Variants in MYO1D observed in about 807,000 individuals in gnomAD.
The protein encoded by MYO1D is myosin ID, also known as unconventional myosin-Id.
Under a neutral mutation model 122.0 loss-of-function variants are expected in MYO1D, and 83 were observed. The ratio of observed to expected loss-of-function variants is 0.68; its 90% CI spans 0.57 to 0.82. The LOEUF (loss-of-function observed/expected upper bound fraction) is 0.82, where lower values mean the gene tolerates loss of function less well. MYO1D is among the 40% of genes least tolerant of loss of function. The pLI is 0.00. For synonymous variants in MYO1D, 464 were observed against 446.9 expected, an observed-to-expected ratio of 1.04 and a Z score of -0.48; for missense variants, 1,157 against 1,269.5, an observed-to-expected ratio of 0.91 and a Z score of 1.35.
intron 20 of MYO1D, among the ~76,000 whole-genome samples, chr17:32,613,195 T>C (rs1225848354): frequency 6.6e-6 from 1 of 152,192 alleles, no homozygotes; most frequent in Non-Finnish European, 1.5e-5. Context: ...ACTCTTCTAG[T>C]TCTTACTAGG....
chr17:32,675,814 T>C (rs1265077528), intron 16 of MYO1D, among the ~76,000 whole-genome samples: 1 of 152,126 alleles, frequency 6.6e-6, no homozygotes, highest in Non-Finnish European at 1.5e-5. Flanking sequence ...ACAGAGGTTG[T>C]TTTTAAAAAA....
In MYO1D at chr17:32,546,357, CTCTG is replaced by C. The variant is rs1281569527; in HGVS notation, c.2865-51446_2865-51443del. On this transcript the variant is annotated intron_variant, in intron 21 of 21. Transcript: ENST00000318217. ...ATGGAAACCATCCCTCTGCGAGGAG[CTCTG>C]TCTGTCTTTGTCGAGGAGCACTCCA... Among the ~76,000 whole-genome samples, 8 of 152,226 alleles carry C rather than the reference CTCTG, an allele frequency of 5.3e-5. No individual in the cohort carries two copies. In the East Asian group the frequency reaches 7.7e-4, roughly 15 times the overall value.
intron 21 of MYO1D, among the ~76,000 whole-genome samples, chr17:32,500,617 G>T (rs1410341079): frequency 6.6e-6 from 1 of 152,146 alleles, no homozygotes; most frequent in Admixed American, 6.5e-5. Context: ...AACAACAAGG[G>T]CAAGAAGAAC....
chr17:32,592,747 T>C (rs2087449520), intron 21 of MYO1D, among the ~76,000 whole-genome samples: 1 of 151,670 alleles, frequency 6.6e-6, no homozygotes, highest in African/African-American at 2.4e-5. Flanking sequence ...AGTACAACAA[T>C]GTAGGGGCAA....
intron 2 of MYO1D, among the ~76,000 whole-genome samples, chr17:32,779,724 C>T (rs1434297551): frequency 2.6e-5 from 4 of 152,098 alleles, no homozygotes; most frequent in South Asian, 2.1e-4. Context: ...TTAAATAAAA[C>T]ATAGTCCTAG....
chr17:32,661,256 AC>A (rs1199401653), intron 16 of MYO1D, among the ~76,000 whole-genome samples: 15 of 152,220 alleles, frequency 9.9e-5, no homozygotes, highest in Non-Finnish European at 2.2e-4. Context: ...ATATAAAAAA[AC>A]ACACTAGCCC....
At chr17:32,540,770 A>G (rs974228024) in intron 21 of MYO1D, among the ~76,000 whole-genome samples, 4 of 151,962 alleles carry the variant, frequency 2.6e-5, no homozygotes, top group African/African-American at 7.3e-5. Flanking sequence ...TACTAAAAAT[A>G]CAAAAATTAA....
Position 32,739,531 on chromosome 17 carries a change from T to C in MYO1D, c.1614-1146A>G, listed in dbSNP as rs189616177. Among the ~76,000 whole-genome samples, 347 of 149,708 alleles carry C rather than the reference T, an allele frequency of 2.3e-3. 4 individuals are homozygous for C. Among genetic ancestry groups the C allele is most frequent in the African/African-American group, 7.0e-3 (286 of 40,980 alleles). On this transcript the variant is annotated intron_variant, in intron 13 of 21. Coordinates refer to ENST00000318217, the MANE Select transcript of MYO1D (RefSeq NM_015194.3). ...GGGGGAGAGATAGCATTAGGAGATATACCTAATGTAAATGACGAGTTAATG... is the reference window on the plus strand; with the variant it reads ...GGGGGAGAGATAGCATTAGGAGATACACCTAATGTAAATGACGAGTTAATG...
chr17:32,750,686 GA>G (rs1195867278), intron 11 of MYO1D, among the ~76,000 whole-genome samples: 2 of 152,076 alleles, frequency 1.3e-5, no homozygotes, highest in African/African-American at 2.4e-5. Flanking sequence ...TCTAATGTTC[GA>G]TAACAAATAA....
At chr17:32,553,098 CA>C (rs1174728053) in intron 21 of MYO1D, among the ~76,000 whole-genome samples, 2 of 110,138 alleles carry the variant, frequency 1.8e-5, no homozygotes, top group African/African-American at 9.1e-5. Context: ...AAACAAAAAA[CA>C]AAACAAAAAA....
intron 1 of MYO1D, among the ~76,000 whole-genome samples, chr17:32,862,052 T>G (rs2091081892): frequency 6.6e-6 from 1 of 151,990 alleles, no homozygotes; most frequent in South Asian, 2.1e-4. Flanking sequence ...TATGTCTCTG[T>G]CTTCTCTCTC....
chr17:32,576,174 A>G (rs1189294740), intron 21 of MYO1D, among the ~76,000 whole-genome samples: 5 of 152,178 alleles, frequency 3.3e-5, no homozygotes, highest in African/African-American at 1.2e-4. Context: ...ACTATCCCAA[A>G]GAACTTTGGA....
At chr17:32,495,003 C>A in intron 21 of MYO1D, 88 bp from the exon 22 acceptor site, 1 of 1,412,424 alleles carries the variant, frequency 7.1e-7, no homozygotes, top group East Asian at 2.6e-5. Context: ...ACCATTGGCT[C>A]CGGCGCAGCC....
At chr17:32,506,692 T>C (rs191275532) in intron 21 of MYO1D, among the ~76,000 whole-genome samples, 2 of 152,364 alleles carry the variant, frequency 1.3e-5, no homozygotes, top group East Asian at 3.9e-4. Context: ...TCAGATTTAA[T>C]TTAAAAATGC....
intron 16 of MYO1D, among the ~76,000 whole-genome samples, chr17:32,709,104 C>T (rs2089343391): frequency 6.6e-6 from 1 of 152,176 alleles, no homozygotes; most frequent in South Asian, 2.1e-4. Flanking sequence ...AGTAAACAAA[C>T]TATCGCTGTA....
chr17:32,833,602 GTCTT>G (rs1439245985), intron 1 of MYO1D, among the ~76,000 whole-genome samples: 3 of 152,186 alleles, frequency 2.0e-5, no homozygotes, highest in Non-Finnish European at 4.4e-5. Flanking sequence ...AAAATGTCAA[GTCTT>G]TCTATCAGCC....
At chr17:32,612,499 C>G (rs2087713713) in intron 20 of MYO1D, among the ~76,000 whole-genome samples, 1 of 151,360 alleles carries the variant, frequency 6.6e-6, no homozygotes, top group South Asian at 2.1e-4. Flanking sequence ...CCAGCCTGGG[C>G]AACATAGCAA....
chr17:32,553,379 T>C (rs1372093674), intron 21 of MYO1D, among the ~76,000 whole-genome samples: 1 of 152,186 alleles, frequency 6.6e-6, no homozygotes, highest in Non-Finnish European at 1.5e-5. Context: ...TTTGAAGTGG[T>C]TCCTGAAAGA....
At position 32,596,109 on chromosome 17, in the gene MYO1D, C is replaced by T. The variant is rs182970745; in HGVS notation, c.2864+8978G>A. On this transcript the variant is annotated intron_variant, in intron 21 of 21. Coordinates refer to ENST00000318217, the MANE Select transcript of MYO1D (RefSeq NM_015194.3). ...TTTTCTGTCCCCCATAAGTCAGGTG[C>T]CTTCAATAATTATTTTAAATAGCTC... Among the ~76,000 whole-genome samples the T allele has an allele frequency of 4.2e-3, 638 of 152,188 alleles. 2 individuals carry two copies. Among genetic ancestry groups the T allele is most frequent in the Non-Finnish European group, 6.3e-3 (427 of 68,010 alleles).
Sources: gnomAD v4.1 joint callset for allele counts (sites outside exome capture counted in the v4.1 genomes callset) on GRCh38, gnomAD v4.1.1 for gene constraint, MANE v1.5 for transcripts, NCBI Gene and HGNC (gene_info 2026-07-23, HGNC 2026-07-21) for gene names.